The following TECTA variants were observed in gnomAD, a reference collection of about 807,000 sequenced individuals.
The protein encoded by TECTA is tectorin alpha.
A neutral mutation model predicts 216.8 loss-of-function variants in TECTA; 128 were observed. The observed-to-expected ratio is 0.59, with a 90% CI of 0.51 to 0.68. The LOEUF (loss-of-function observed/expected upper bound fraction) is 0.68. TECTA is among the 30% of genes least tolerant of loss of function. The pLI is 0.00. For synonymous variants in TECTA, 1,089 were observed against 1,117.1 expected (o/e 0.97, Z 0.50); for missense variants, 2,551 against 2,786.2 (o/e 0.92, Z 1.90).
intron 17 of TECTA, 62 bp from the exon 18 acceptor site, chr11:121,166,516 C>T (rs1947054354): frequency 6.4e-7 from 1 of 1,554,088 alleles, no homozygotes; most frequent in Non-Finnish European, 8.9e-7. Flanking sequence ...GGATGCTTTG[C>T]TCCCACTCCT....
chr11:121,153,342 C>G (rs1203436435), intron 13 of TECTA, among the ~76,000 whole-genome samples: 1 of 152,222 alleles, frequency 6.6e-6, no homozygotes, highest in African/African-American at 2.4e-5. Context: ...CACTCTGCCT[C>G]CCCTACTCAC....
chr11:121,146,433 A>G (rs901166562), intron 12 of TECTA, among the ~76,000 whole-genome samples: 1 of 152,220 alleles, frequency 6.6e-6, no homozygotes, highest in African/African-American at 2.4e-5. Flanking sequence ...TGCTAACGAG[A>G]TTAATGAAAG....
intron 15 of TECTA, 75 bp downstream of exon 15, chr11:121,160,496 G>A: frequency 6.3e-7 from 1 of 1,583,068 alleles, no homozygotes; most frequent in Non-Finnish European, 8.6e-7. Flanking sequence ...TGTGAATGAG[G>A]AATGCCTTTT....
intron 9 of TECTA, among the ~76,000 whole-genome samples, chr11:121,129,422 CAAAT>C (rs1946648682): frequency 6.6e-6 from 1 of 152,096 alleles, no homozygotes; most frequent in Non-Finnish European, 1.5e-5. Context: ...CCAGAACACA[CAAAT>C]AAACAGCAAA....
chr11:121,133,241 C>T (rs1187213743), intron 10 of TECTA, among the ~76,000 whole-genome samples: 1 of 152,124 alleles, frequency 6.6e-6, no homozygotes, highest in Non-Finnish European at 1.5e-5. Context: ...CTCTTCCTTC[C>T]TCCCTCCCTG....
intron 20 of TECTA, among the ~76,000 whole-genome samples, chr11:121,173,880 T>C (rs1402955507): frequency 6.6e-6 from 1 of 152,134 alleles, no homozygotes; most frequent in Non-Finnish European, 1.5e-5. Flanking sequence ...CAGTGGTTTG[T>C]AGTTCTCCTT....
rs1327019423 is a variant in TECTA at position 121,166,758 on chromosome 11, G to A, written c.5564G>A (p.Gly1855Glu). ...FISFQINNTK[G>E]NCGNIVQSNG... ...TCCTTTCAGATCAACAACACCAAAG[G>A]GAATTGTGGAAACATTGTGCAGGTG... The change falls in exon 18 of 24, where the codon GGG becomes GAG. Residue 1855 changes from glycine (G) to glutamate (E), a missense_variant. By Grantham distance (98) the Gly-to-Glu change is moderately conservative. Coordinates refer to ENST00000392793, the MANE Select transcript of TECTA (RefSeq NM_005422.4). The A allele has an allele frequency of 1.9e-6, 3 of 1,614,084 alleles. No individual in the cohort carries two copies. The highest frequency in any genetic ancestry group is 2.5e-6 in the Non-Finnish European group (3 of 1,180,024).
rs752828990 is a variant in TECTA at position 121,152,935 on chromosome 11, C to T, written c.4160C>T (p.Pro1387Leu). ...HYESCVSVCQ[P>L]RCAAIRLKSD... ...GAGAGCTGCGTGAGTGTCTGCCAGC[C>T]CCGCTGCGCCGCCATCCGCCTGAAG... The change falls in exon 13 of 24, where the codon CCC (proline) becomes CTC (leucine). Residue 1387 changes from proline (P) to leucine (L), a missense_variant. By Grantham distance (98) the Pro-to-Leu change is moderately conservative. Coordinates refer to ENST00000392793, the MANE Select transcript of TECTA (RefSeq NM_005422.4). The T allele has an allele frequency of 2.5e-6, 4 of 1,612,780 alleles. No homozygotes were observed. In the Admixed American group the frequency reaches 5.0e-5, roughly 20 times the overall value.
chr11:121,106,006 C>T, intron 3 of TECTA, 42 bp downstream of exon 3: 1 of 1,614,038 alleles, frequency 6.2e-7, no homozygotes, highest in African/African-American at 1.3e-5. Context: ...CTGGCCCTCC[C>T]TTTTGTTTGT....
At chr11:121,130,592 G>A (rs959379105) in intron 10 of TECTA, among the ~76,000 whole-genome samples, 2 of 152,142 alleles carry the variant, frequency 1.3e-5, no homozygotes, top group Non-Finnish European at 2.9e-5. Context: ...ATCGGCCAGG[G>A]CACCTTTGGG....
intron 3 of TECTA, among the ~76,000 whole-genome samples, chr11:121,108,794 AC>A (rs1565516505): frequency 6.8e-6 from 1 of 147,270 alleles, no homozygotes; most frequent in African/African-American, 2.5e-5. Context: ...ACACACCCAT[AC>A]TCCTCACCTC....
chr11:121,163,030 A>C (rs1316512870), intron 16 of TECTA, among the ~76,000 whole-genome samples: 1 of 152,222 alleles, frequency 6.6e-6, no homozygotes, highest in East Asian at 1.9e-4. Context: ...CCATAGACAT[A>C]CATGTGTGTC....
intron 13 of TECTA, 66 bp downstream of exon 13, chr11:121,153,146 G>T: frequency 6.4e-7 from 1 of 1,554,836 alleles, no homozygotes; most frequent in Non-Finnish European, 8.7e-7. Flanking sequence ...ACTCTAAGAG[G>T]TTGGTCAGAT....
At chr11:121,172,656 C>T (rs1947123852) in intron 20 of TECTA, among the ~76,000 whole-genome samples, 1 of 150,872 alleles carries the variant, frequency 6.6e-6, no homozygotes, top group Non-Finnish European at 1.5e-5. Flanking sequence ...CATACATGTG[C>T]ATGTGTCTTT....
chr11:121,141,684 G>A (rs1946785747), intron 11 of TECTA, among the ~76,000 whole-genome samples: 1 of 152,186 alleles, frequency 6.6e-6, no homozygotes, highest in African/African-American at 2.4e-5. Context: ...CTAATAGCCT[G>A]TGTCTTTATC....
At chr11:121,103,068 A>G (rs1012502802) in intron 2 of TECTA, among the ~76,000 whole-genome samples, 1 of 152,186 alleles carries the variant, frequency 6.6e-6, no homozygotes, top group Non-Finnish European at 1.5e-5. Flanking sequence ...ACTGATTTCC[A>G]TTAAGGCATT....
chr11:121,114,573 C>G (rs959505110), intron 6 of TECTA, among the ~76,000 whole-genome samples: 12 of 147,630 alleles, frequency 8.1e-5, no homozygotes, highest in Non-Finnish European at 1.8e-4. Context: ...ACCCATCTAT[C>G]CAGCTACCCA....
chr11:121,113,475 T>TA lies in TECTA; in HGVS notation c.625-73dup, dbSNP rs1383284974. Reference sequence around the variant, plus strand: ...TCTTGATTTTAGAGGTGCTGGATTTTAAAAATAAGGTAGTTGGGCCAGTTA... The same window carrying TA: ...TCTTGATTTTAGAGGTGCTGGATTTTAAAAAATAAGGTAGTTGGGCCAGTTA... On this transcript the variant is annotated intron_variant, in intron 5 of 23. Transcript: ENST00000392793. The surrounding 1 kb of genome is among the most constrained non-coding windows in gnomAD (Gnocchi z 4.2). 3 of 1,593,306 alleles carry TA rather than the reference T, an allele frequency of 1.9e-6. No homozygotes were observed. Among genetic ancestry groups the TA allele is most frequent in the Non-Finnish European group, 2.6e-6 (3 of 1,162,052 alleles).
intron 10 of TECTA, among the ~76,000 whole-genome samples, chr11:121,134,178 C>T (rs1287917177): frequency 1.3e-5 from 2 of 152,116 alleles, no homozygotes; most frequent in African/African-American, 4.8e-5. Context: ...TTCCCTGCCC[C>T]ATGCTGGAAT....
Sources: allele counts gnomAD v4.1 joint callset (sites outside exome capture counted in the v4.1 genomes callset), GRCh38; gene constraint gnomAD v4.1.1; non-coding constraint Gnocchi (gnomAD v3.1); transcripts MANE v1.5; gene names NCBI Gene and HGNC (gene_info 2026-07-23, HGNC 2026-07-21).